SLCO4A1: variants seen among roughly 807,000 people sequenced by gnomAD.
The protein encoded by SLCO4A1 is colon organic anion transporter.
A neutral mutation model predicts 64.6 loss-of-function variants in SLCO4A1; 51 were observed. The ratio of observed to expected loss-of-function variants is 0.79; its 90% CI spans 0.63 to 1.00. SLCO4A1 has a LOEUF of 1.00. Among genes scored for constraint, SLCO4A1 ranks in the 50% least tolerant of loss-of-function variants. The pLI is 0.00. For synonymous variants in SLCO4A1, 471 were observed against 444.9 expected, an observed-to-expected ratio of 1.06 and a Z score of -0.74; for missense variants, 919 against 980.5, an observed-to-expected ratio of 0.94 and a Z score of 0.84.
chr20:62,667,748 C>T lies in SLCO4A1; in HGVS notation c.1476C>T (p.Leu492=), dbSNP rs1346879923. ...CTCGCTTGTCCCCCCTCTGCAGCCT[C>T]CTGCCCGAAGGCCACCTGAACCTAA... is the stretch of plus-strand genomic sequence containing the variant. The part of the protein sequence containing the change: ...AGVTASYGGS[L]LPEGHLNLTA... Residue 492 remains leucine (L), a synonymous_variant, in exon 8 of 12, where the codon CTC becomes CTT. Coordinates refer to ENST00000217159, the MANE Select transcript of SLCO4A1 (RefSeq NM_016354.4). The T allele has an allele frequency of 4.4e-6, 7 of 1,607,218 alleles. No homozygotes were observed. In the Admixed American group the frequency reaches 5.0e-5, roughly 11 times the overall value.
downstream of SLCO4A1, among the ~76,000 whole-genome samples, chr20:62,674,437 G>A (rs868636428): frequency 1.2e-4 from 19 of 152,316 alleles, no homozygotes; most frequent in Admixed American, 2.6e-4. Context: ...AAGAGGCTGC[G>A]TCCTCACATC....
downstream of SLCO4A1, among the ~76,000 whole-genome samples, chr20:62,676,460 A>T (rs1987598764): frequency 6.6e-6 from 1 of 152,208 alleles, no homozygotes; most frequent in Non-Finnish European, 1.5e-5. Context: ...CAACAATGAA[A>T]GGATGATCCA....
Position 62,656,588 on chromosome 20 carries a change from G to C in SLCO4A1, c.134G>C (p.Arg45Pro). 1 of 1,593,856 alleles carries C rather than the reference G, an allele frequency of 6.3e-7. No individual in the cohort carries two copies. The highest frequency in any genetic ancestry group is 8.5e-7 in the Non-Finnish European group (1 of 1,173,440). Residue 45 changes from arginine to proline, a missense_variant, in exon 2 of 12, where the codon CGC becomes CCC. By Grantham distance (103) the Arg-to-Pro change is moderately radical. Transcript: ENST00000217159. ...PGTPLSPGSL[R>P]SAAHSPLDTS... is the part of the protein sequence containing the mutation. ...ACACCCCTGAGCCCCGGCTCCCTCC[G>C]CTCCGCTGCCCATAGCCCCCTGGAC...
In SLCO4A1 at chr20:62,668,042, A is replaced by T; in HGVS notation, c.1669A>T (p.Asn557Tyr). 6.2e-7 allele frequency: 1 copy of T among 1,613,982 alleles called. No homozygotes were observed. Among genetic ancestry groups the T allele is most frequent in the Non-Finnish European group, 8.5e-7 (1 of 1,180,030 alleles). ...VYRDCSCIPQ[N>Y]LSSGFGHATA... ...CCGAGACTGTAGCTGTATCCCTCAGAATCTTTCCTCTGGTTTTGGCCATGC... is the reference window on the plus strand; with the variant it reads ...CCGAGACTGTAGCTGTATCCCTCAGTATCTTTCCTCTGGTTTTGGCCATGC... The change falls in exon 9 of 12, where the codon AAT becomes TAT. Residue 557 changes from asparagine (N) to tyrosine (Y), a missense_variant. By Grantham distance (143) the Asn-to-Tyr change is moderately radical. Coordinates refer to ENST00000217159, the MANE Select transcript of SLCO4A1 (RefSeq NM_016354.4).
At chr20:62,657,344 G>A in intron 2 of SLCO4A1, 94 bp downstream of exon 2, 1 of 1,190,890 alleles carries the variant, frequency 8.4e-7, no homozygotes, top group Non-Finnish European at 1.2e-6. Context: ...CCCGCCCCCT[G>A]CCTTCGTGTA....
intron 1 of SLCO4A1, among the ~76,000 whole-genome samples, chr20:62,653,462 CA>C (rs1000791526): frequency 1.3e-5 from 2 of 152,150 alleles, no homozygotes; most frequent in African/African-American, 4.8e-5. Flanking sequence ...CAAAACAAAA[CA>C]AAAAAAGCCA....
chr20:62,668,649 T>A (rs1391942708), intron 10 of SLCO4A1, 108 bp downstream of exon 10: 2 of 1,099,648 alleles, frequency 1.8e-6, no homozygotes, highest in East Asian at 2.4e-5. Context: ...AGCAGGAGGC[T>A]GTTCCCGCCT....
At chr20:62,675,025 C>G (rs1038477689), downstream of SLCO4A1, among the ~76,000 whole-genome samples, 1 of 152,142 alleles carries the variant, frequency 6.6e-6, no homozygotes, top group African/African-American at 2.4e-5. Flanking sequence ...TCTGGGGGCT[C>G]CAAGGACTGT....
chr20:62,685,000 C>A lies in SLCO4A1; in HGVS notation n.212-441C>A, dbSNP rs973677455. ...CATGCACAGGCAGCCACGCCAGGGG[C>A]TCCTGCAGCACCTCAGAGAGACCAG... On this transcript the variant is annotated intron_variant and non_coding_transcript_variant, in intron 2 of 2. Transcript: ENST00000466818. Among the ~76,000 whole-genome samples, 4 of 152,164 alleles carry A rather than the reference C, an allele frequency of 2.6e-5. No homozygotes were observed. The South Asian group carries it at 8.3e-4, about 32-fold the overall frequency.
intron 6 of SLCO4A1, 194 bp downstream of exon 6, chr20:62,665,282 C>A (rs1985903410): frequency 1.7e-6 from 1 of 591,522 alleles, no homozygotes; most frequent in African/African-American, 1.9e-5. Flanking sequence ...GAGTGGTGGT[C>A]CTGCCCTCTT....
intron 2 of SLCO4A1, among the ~76,000 whole-genome samples, chr20:62,677,429 G>T (rs1335388933): frequency 1.3e-5 from 2 of 152,168 alleles, no homozygotes; most frequent in African/African-American, 4.8e-5. Flanking sequence ...TCTGGTGTCT[G>T]TTCCATAACT....
Position 62,656,513 on chromosome 20 carries a change from T to A in SLCO4A1, c.59T>A (p.Met20Lys). Residue 20 changes from methionine to lysine, a missense_variant, in exon 2 of 12, where the codon ATG (methionine) becomes AAG (lysine). Physicochemically the swap from Met to Lys is moderately conservative, Grantham distance 95. Coordinates refer to ENST00000217159, the MANE Select transcript of SLCO4A1 (RefSeq NM_016354.4). Reference protein sequence around the residue: ...PLTFPSPNSAMENGLDHTPPS... With the variant: ...PLTFPSPNSAKENGLDHTPPS... ...ACCTTCCCCAGCCCCAACTCAGCCA[T>A]GGAAAACGGGCTTGACCACACCCCA... The A allele has an allele frequency of 6.4e-7, 1 of 1,560,850 alleles. No homozygotes were observed. The highest frequency in any genetic ancestry group is 8.7e-7 in the Non-Finnish European group (1 of 1,155,234).
Position 62,672,109 on chromosome 20 carries a change from C to T in SLCO4A1, c.*216C>T. 1.7e-5 allele frequency: 24 copies of T among 1,433,278 alleles called. No homozygotes were observed. Among genetic ancestry groups the T allele is most frequent in the Non-Finnish European group, 2.2e-5 (24 of 1,092,522 alleles). 88.8% of individuals were successfully genotyped at this position (1,433,278 alleles called of 1,614,324 possible). Reference sequence around the variant, plus strand: ...GCATAAATATATATTTATGGACACACAGTTTGCATCAGAACGTGTTTATAG... The same window carrying T: ...GCATAAATATATATTTATGGACACATAGTTTGCATCAGAACGTGTTTATAG... On this transcript the variant is annotated 3_prime_UTR_variant, in exon 12 of 12. Coordinates refer to ENST00000217159, the MANE Select transcript of SLCO4A1 (RefSeq NM_016354.4).
intron 5 of SLCO4A1, among the ~76,000 whole-genome samples, chr20:62,663,727 C>T (rs1985516834): frequency 6.6e-6 from 1 of 152,152 alleles, no homozygotes. Flanking sequence ...GTGCTGTGAA[C>T]AGGATGCAGG....
Position 62,671,745 on chromosome 20 carries a change from C to A in SLCO4A1, c.2026-5C>A. The A allele has an allele frequency of 6.2e-7, 1 of 1,612,332 alleles. No individual in the cohort carries two copies. The highest frequency in any genetic ancestry group is 8.5e-7 in the Non-Finnish European group (1 of 1,179,078). ...ACGAGGTCCAGCGGGCTCCTCTCTC[C>A]CCAGGTGCTGGGCGTCCTCTTCTTT... On this transcript the variant is annotated splice_region_variant and splice_polypyrimidine_tract_variant and intron_variant, in intron 11 of 11. Coordinates refer to ENST00000217159, the MANE Select transcript of SLCO4A1 (RefSeq NM_016354.4).
At chr20:62,673,467 C>T (rs1987423742), downstream of SLCO4A1, among the ~76,000 whole-genome samples, 2 of 143,706 alleles carry the variant, frequency 1.4e-5, no homozygotes, top group Admixed American at 6.9e-5. Context: ...CAGTGACCTG[C>T]CTCCTCCGGG....
intron 1 of SLCO4A1, among the ~76,000 whole-genome samples, chr20:62,654,152 C>T (rs949559834): frequency 6.6e-6 from 1 of 152,190 alleles, no homozygotes; most frequent in African/African-American, 2.4e-5. Flanking sequence ...CCCAGTGGCT[C>T]CCGGGGCTCC....
chr20:62,658,248 C>T (rs1476020578), intron 2 of SLCO4A1, among the ~76,000 whole-genome samples: 2 of 152,260 alleles, frequency 1.3e-5, no homozygotes, highest in Non-Finnish European at 1.5e-5. Flanking sequence ...GATCACCTCA[C>T]TCCAGCGAGG....
chr20:62,656,272 C>T lies in SLCO4A1; in HGVS notation c.-96-87C>T. On this transcript the variant is annotated intron_variant, in intron 1 of 11. Coordinates refer to ENST00000217159, the MANE Select transcript of SLCO4A1 (RefSeq NM_016354.4). Reference sequence around the variant, plus strand: ...GGCAGGCAGAGCTTTGAGCCACCCCCGTGATGGGTGTGCTGGAATGTTCCC... The same window carrying T: ...GGCAGGCAGAGCTTTGAGCCACCCCTGTGATGGGTGTGCTGGAATGTTCCC... The T allele has an allele frequency of 6.8e-6, 4 of 592,024 alleles. No homozygotes were observed. In the South Asian group the frequency reaches 7.3e-5, roughly 11 times the overall value. The allele number at this position is 592,024 out of a possible 1,614,324, so 36.7% of individuals were successfully genotyped here. A position where few individuals can be genotyped will look rare whatever the true frequency, so the allele number is the denominator to read the frequency against.
Sources: allele counts gnomAD v4.1 joint callset (sites outside exome capture counted in the v4.1 genomes callset), GRCh38; gene constraint gnomAD v4.1.1; transcripts MANE v1.5; gene names NCBI Gene and HGNC (gene_info 2026-07-23, HGNC 2026-07-21).